The following ZNF248 variants were observed in gnomAD, a reference collection of about 807,000 sequenced individuals.
ZNF248 encodes KRAB protein domain.
Under a neutral mutation model 44.3 loss-of-function variants are expected in ZNF248, and 20 were observed. That is an observed-to-expected ratio of 0.45 (90% confidence interval 0.32 to 0.66). The LOEUF is 0.66. ZNF248 is among the 30% of genes least tolerant of loss of function. The probability of loss-of-function intolerance (pLI) is 0.04; values close to 1 mark genes in which losing one functional copy is unlikely to be tolerated. For synonymous variants in ZNF248, 224 were observed against 229.0 expected (o/e 0.98, Z 0.20); for missense variants, 654 against 677.0 (o/e 0.97, Z 0.38).
chr10:37,790,833 T>C (rs1266562529), intron 6 of ZNF248, among the ~76,000 whole-genome samples: 1 of 150,896 alleles, frequency 6.6e-6, no homozygotes, highest in Non-Finnish European at 1.5e-5. Context: ...GATAGGAACA[T>C]TGCTTGAGGC....
chr10:37,826,757 C>T (rs140423844), downstream of ZNF248, among the ~76,000 whole-genome samples: 2 of 152,096 alleles, frequency 1.3e-5, no homozygotes, highest in African/African-American at 2.4e-5. Flanking sequence ...TAAAACTCTC[C>T]GGCTATGCCT....
intron 3 of ZNF248, among the ~76,000 whole-genome samples, chr10:37,846,834 A>G (rs2059400573): frequency 6.6e-6 from 1 of 152,208 alleles, no homozygotes; most frequent in Non-Finnish European, 1.5e-5. Context: ...ACAACAAGGA[A>G]AATCTTCAAT....
chr10:37,854,135 A>G (rs1446985460), intron 3 of ZNF248, among the ~76,000 whole-genome samples: 1 of 152,242 alleles, frequency 6.6e-6, no homozygotes, highest in Non-Finnish European at 1.5e-5. Flanking sequence ...AAAATGCATA[A>G]AAGTATTAGA....
chr10:37,779,482 A>T (rs1362890264), intron 6 of ZNF248, among the ~76,000 whole-genome samples: 67 of 152,128 alleles, frequency 4.4e-4, no homozygotes, highest in Non-Finnish European at 4.9e-4. Flanking sequence ...TGCTAAAAAC[A>T]CTCAATAAAT....
rs939364416 is a variant in ZNF248 at position 37,829,868 on chromosome 10, T to G, written c.*1747A>C. 1.0e-6 allele frequency: 1 copy of G among 985,278 alleles called. No individual in the cohort carries two copies. Among genetic ancestry groups the G allele is most frequent in the Non-Finnish European group, 1.2e-6 (1 of 829,934 alleles). 61.0% of individuals were successfully genotyped at this position (985,278 alleles called of 1,614,324 possible). On this transcript the variant is annotated 3_prime_UTR_variant, in exon 6 of 6. Coordinates refer to ENST00000395867, the MANE Select transcript of ZNF248 (RefSeq NM_021045.3). Reference sequence around the variant, plus strand: ...CCCAACAGAATCATTAAAATGGAACTTCCATGATTAGCTTTGACTAATCTG... The same window carrying G: ...CCCAACAGAATCATTAAAATGGAACGTCCATGATTAGCTTTGACTAATCTG...
chr10:37,766,133 C>A, the ZNF248 span, among the ~76,000 whole-genome samples: 1 of 152,254 alleles, frequency 6.6e-6, no homozygotes, highest in Non-Finnish European at 1.5e-5. Context: ...GTGGAGCCCA[C>A]CACAGCTCAA....
chr10:37,853,713 A>G (rs2060747466), intron 3 of ZNF248, among the ~76,000 whole-genome samples: 1 of 152,182 alleles, frequency 6.6e-6, no homozygotes, highest in African/African-American at 2.4e-5. Context: ...CTAAAAAGAA[A>G]AGAAAAAAAA....
At position 37,831,267 on chromosome 10, in the gene ZNF248, A is replaced by G; in HGVS notation, c.*348T>C. 1 of 1,549,666 alleles carries G rather than the reference A, an allele frequency of 6.5e-7. No homozygotes were observed. Among genetic ancestry groups the G allele is most frequent in the Non-Finnish European group, 8.7e-7 (1 of 1,146,236 alleles). On this transcript the variant is annotated 3_prime_UTR_variant, in exon 6 of 6. Coordinates refer to ENST00000395867, the MANE Select transcript of ZNF248 (RefSeq NM_021045.3). ...CAAACATCGGGGACTCTTCACATATATGTTTAATGCTGCTGTCATTCAACT... is the reference window on the plus strand; with the variant it reads ...CAAACATCGGGGACTCTTCACATATGTGTTTAATGCTGCTGTCATTCAACT...
intron 1 of ZNF248, 137 bp from the exon 2 acceptor site, chr10:37,856,669 T>G (rs2061350492): frequency 9.8e-7 from 1 of 1,015,328 alleles, no homozygotes; most frequent in South Asian, 4.5e-5. Context: ...TTTATCTGTT[T>G]ACCTGTTAAC....
chr10:37,758,997 G>A, the ZNF248 span, among the ~76,000 whole-genome samples: 1 of 152,162 alleles, frequency 6.6e-6, no homozygotes, highest in Non-Finnish European at 1.5e-5. Flanking sequence ...ATGCTCTGCT[G>A]TCCTGTGCTA....
At position 37,851,806 on chromosome 10, in the gene ZNF248, A is replaced by T. The variant is rs545312341; in HGVS notation, c.15+4490T>A. Among the ~76,000 whole-genome samples the T allele has an allele frequency of 3.3e-5, 5 of 150,402 alleles. No homozygotes were observed. The East Asian group carries it at 9.7e-4, about 29-fold the overall frequency. The stretch of plus-strand genomic sequence containing the variant: ...AAAAAAAAAAAAAACCAGTGCTAAC[A>T]CCAAGTGATGGCAAGGATAGAGAGA... On this transcript the variant is annotated intron_variant, in intron 3 of 5. Coordinates refer to ENST00000395867, the MANE Select transcript of ZNF248 (RefSeq NM_021045.3).
downstream of ZNF248, among the ~76,000 whole-genome samples, chr10:37,772,322 C>T (rs139626521): frequency 3.8e-3 from 570 of 151,482 alleles, 5 homozygotes; most frequent in African/African-American, 0.013. Context: ...ATTTTTAGAG[C>T]GCCATACTAT....
chr10:37,798,724 T>G (rs2049440001), intron 6 of ZNF248, among the ~76,000 whole-genome samples: 2 of 152,130 alleles, frequency 1.3e-5, no homozygotes, highest in Non-Finnish European at 2.9e-5. Flanking sequence ...AAACCTAATT[T>G]ACTTGTCTGC....
In ZNF248 at chr10:37,818,764, C is replaced by T. The variant is rs1015160927; in HGVS notation, c.330+14261G>A. 79 of 719,966 alleles carry T rather than the reference C, an allele frequency of 1.1e-4. No homozygotes were observed. The African/African-American group carries it at 1.2e-3, about 11-fold the overall frequency. The allele number at this position is 719,966 out of a possible 1,614,324, so 44.6% of individuals were successfully genotyped here. A position where few individuals can be genotyped will look rare whatever the true frequency, so the allele number is the denominator to read the frequency against. On this transcript the variant is annotated intron_variant, in intron 6 of 6. Transcript: ENST00000615949. ...GTCCTCCTTTTGGTAGGCCAAACATCGTCAAATAAACGCCTTTGCTTCAGG... is the reference window on the plus strand; with the variant it reads ...GTCCTCCTTTTGGTAGGCCAAACATTGTCAAATAAACGCCTTTGCTTCAGG...
intron 6 of ZNF248, chr10:37,820,794 A>G (rs749965494): frequency 2.0e-5 from 23 of 1,177,854 alleles, no homozygotes; most frequent in Non-Finnish European, 2.7e-5. Flanking sequence ...ACTCTCCTTC[A>G]TTTTGCCTTT....
intron 3 of ZNF248, among the ~76,000 whole-genome samples, chr10:37,852,660 G>A (rs886598032): frequency 4.0e-5 from 6 of 149,200 alleles, no homozygotes; most frequent in African/African-American, 1.5e-4. Context: ...TAGATATATA[G>A]ATACAATATA....
downstream of ZNF248, among the ~76,000 whole-genome samples, chr10:37,771,831 C>G (rs1369818267): frequency 6.6e-6 from 1 of 152,044 alleles, no homozygotes; most frequent in Non-Finnish European, 1.5e-5. Context: ...AATGACTAAT[C>G]ATGTCATTCT....
At chr10:37,833,327 T>C (rs747068115) in intron 5 of ZNF248, among the ~76,000 whole-genome samples, 13 of 152,108 alleles carry the variant, frequency 8.5e-5, no homozygotes, top group Non-Finnish European at 1.8e-4. Context: ...GGAGAAGAAA[T>C]TGGCAATGAT....
At chr10:37,776,522 C>T (rs1033493105), downstream of ZNF248, 12 of 398,276 alleles carry the variant, frequency 3.0e-5, no homozygotes, top group African/African-American at 1.2e-4. Context: ...GTTCCTAGGG[C>T]GCCTTCTTCT....
Sources: allele counts gnomAD v4.1 joint callset (sites outside exome capture counted in the v4.1 genomes callset), GRCh38; gene constraint gnomAD v4.1.1; transcripts MANE v1.5; gene names NCBI Gene and HGNC (gene_info 2026-07-23, HGNC 2026-07-21).